Variants in SLC28A3 observed in about 807,000 individuals in gnomAD.
SLC28A3 encodes concentrative Na(+)-nucleoside cotransporter 3.
Under a neutral mutation model 84.2 loss-of-function variants are expected in SLC28A3, and 68 were observed. The observed-to-expected ratio is 0.81, with a 90% confidence interval of 0.66 to 0.99. The LOEUF is 0.99. Ranked by LOEUF, SLC28A3 falls within the 50% of genes least tolerant of loss-of-function variation. The pLI is 0.00. For synonymous variants in SLC28A3, 267 were observed against 303.6 expected, an observed-to-expected ratio of 0.88 and a Z score of 1.25; for missense variants, 712 against 841.5, an observed-to-expected ratio of 0.85 and a Z score of 1.90.
intron 1 of SLC28A3, among the ~76,000 whole-genome samples, chr9:84,335,116 AC>A (rs1417413776): frequency 2.6e-5 from 4 of 152,254 alleles, no homozygotes; most frequent in Middle Eastern, 6.8e-3. Flanking sequence ...CTCCAGGTGA[AC>A]GTATGCTACA....
intron 1 of SLC28A3, among the ~76,000 whole-genome samples, chr9:84,321,734 A>AG (rs1491494231): frequency 3.0e-4 from 20 of 67,182 alleles, no homozygotes; most frequent in African/African-American, 2.2e-3. Flanking sequence ...ACTCCGTCTC[A>AG]AAAAAAAAAA....
chr9:84,286,539 A>G (rs2118111281), intron 12 of SLC28A3, among the ~76,000 whole-genome samples: 1 of 145,348 alleles, frequency 6.9e-6, no homozygotes, highest in East Asian at 2.0e-4. Flanking sequence ...CTCTTATCTT[A>G]GCCTCCAGAG....
chr9:84,295,046 T>C (rs180788742), intron 8 of SLC28A3, among the ~76,000 whole-genome samples: 58 of 152,250 alleles, frequency 3.8e-4, no homozygotes, highest in African/African-American at 1.3e-3. Flanking sequence ...CTGCTGCCAC[T>C]GGACTGCCCT....
At chr9:84,282,644 A>G (rs1349766024) in intron 14 of SLC28A3, among the ~76,000 whole-genome samples, 1 of 152,216 alleles carries the variant, frequency 6.6e-6, no homozygotes, top group Non-Finnish European at 1.5e-5. Context: ...CTTAGGCCAG[A>G]CAATTTTTCC....
intron 6 of SLC28A3, among the ~76,000 whole-genome samples, chr9:84,298,961 G>A (rs982707154): frequency 6.6e-6 from 1 of 152,160 alleles, no homozygotes; most frequent in Admixed American, 6.5e-5. Context: ...CCTCAGCAGG[G>A]CAAAGAACTT....
At chr9:84,367,535 T>C in the SLC28A3 span, among the ~76,000 whole-genome samples, 8 of 152,020 alleles carry the variant, frequency 5.3e-5, no homozygotes, top group Non-Finnish European at 1.0e-4. Context: ...AGACAAAGCA[T>C]AGAGAAAGAA....
chr9:84,332,941 T>C (rs147230246), intron 1 of SLC28A3, among the ~76,000 whole-genome samples: 80 of 152,310 alleles, frequency 5.3e-4, no homozygotes, highest in African/African-American at 1.8e-3. Flanking sequence ...TTACAAATCA[T>C]AACTGACAAA....
At chr9:84,284,062 G>A (rs896615011) in intron 14 of SLC28A3, among the ~76,000 whole-genome samples, 1 of 152,092 alleles carries the variant, frequency 6.6e-6, no homozygotes, top group Non-Finnish European at 1.5e-5. Context: ...CTCTACCCTC[G>A]TAATAACCTT....
At chr9:84,299,888 G>C (rs1451743685) in intron 5 of SLC28A3, among the ~76,000 whole-genome samples, 163 bp from the exon 6 acceptor site, 1 of 152,068 alleles carries the variant, frequency 6.6e-6, no homozygotes, top group African/African-American at 2.4e-5. Flanking sequence ...CACTTCCCGG[G>C]TTCAAGCAAT....
chr9:84,362,265 G>A, the SLC28A3 span, among the ~76,000 whole-genome samples: 11 of 152,204 alleles, frequency 7.2e-5, no homozygotes, highest in Non-Finnish European at 1.3e-4. Flanking sequence ...TGTTAATATT[G>A]AGATGCTACT....
rs1031239865 is a variant in SLC28A3 at position 84,320,859 on chromosome 9, G to T, written c.61-7405C>A. Among the ~76,000 whole-genome samples, 18 of 151,838 alleles carry T rather than the reference G, an allele frequency of 1.2e-4. 1 individual carries two copies. The highest frequency in any genetic ancestry group is 4.4e-4 in the African/African-American group (18 of 41,300). On this transcript the variant is annotated intron_variant, in intron 1 of 17. Coordinates refer to ENST00000376238, the MANE Select transcript of SLC28A3 (RefSeq NM_001199633.2). Reference sequence around the variant, plus strand: ...ACAAAAATTAGCCGAGGGTGGTGGTGGGAGGCTGAGGCAGGAGAATTGCTT... The same window carrying T: ...ACAAAAATTAGCCGAGGGTGGTGGTTGGAGGCTGAGGCAGGAGAATTGCTT...
intron 1 of SLC28A3, among the ~76,000 whole-genome samples, chr9:84,324,064 G>A (rs1826468169): frequency 6.6e-6 from 1 of 152,124 alleles, no homozygotes; most frequent in Non-Finnish European, 1.5e-5. Context: ...TGATTATGTG[G>A]GCCAACAGGA....
At chr9:84,320,163 C>T (rs1409443742) in intron 1 of SLC28A3, among the ~76,000 whole-genome samples, 1 of 147,108 alleles carries the variant, frequency 6.8e-6, no homozygotes, top group Non-Finnish European at 1.5e-5. Context: ...GATTCTCATA[C>T]CTCAGTCTCC....
At chr9:84,328,311 A>G (rs961249663) in intron 1 of SLC28A3, among the ~76,000 whole-genome samples, 2 of 151,310 alleles carry the variant, frequency 1.3e-5, no homozygotes, top group Non-Finnish European at 2.9e-5. Flanking sequence ...AAAACCCATG[A>G]TCTGAAAATA....
rs1006550881 is a variant in SLC28A3 at position 84,335,479 on chromosome 9, T to C, written c.60+5095A>G. On this transcript the variant is annotated intron_variant, in intron 1 of 17. Coordinates refer to ENST00000376238, the MANE Select transcript of SLC28A3 (RefSeq NM_001199633.2). ...CAAAGGATTGCCTGGGCTCAGGAGT[T>C]TGAGGCTGCAATAAGCTATGATTGT... Among the ~76,000 whole-genome samples, 7 of 152,320 alleles carry C rather than the reference T, an allele frequency of 4.6e-5. 1 individual carries two copies. Among genetic ancestry groups the C allele is most frequent in the Middle Eastern group, 6.8e-3 (2 of 294 alleles).
At position 84,278,216 on chromosome 9, in the gene SLC28A3, C is replaced by T; in HGVS notation, c.*2G>A. 1.2e-6 allele frequency: 2 copies of T among 1,613,050 alleles called. No homozygotes were observed. The highest frequency in any genetic ancestry group is 1.7e-6 in the Non-Finnish European group (2 of 1,179,416). On this transcript the variant is annotated 3_prime_UTR_variant, in exon 18 of 18. Coordinates refer to ENST00000376238, the MANE Select transcript of SLC28A3 (RefSeq NM_001199633.2). ...AGAGTTCCACTGGAGAAGTGGCTGA[C>T]CTCAAAATGTATTAGAGATCCCATT... is the stretch of plus-strand genomic sequence containing the variant.
chr9:84,323,666 G>A (rs1287945452), intron 1 of SLC28A3, among the ~76,000 whole-genome samples: 3 of 151,678 alleles, frequency 2.0e-5, no homozygotes, highest in Admixed American at 1.3e-4. Context: ...CTCGTGATCC[G>A]ACCCCCTCAG....
intron 3 of SLC28A3, among the ~76,000 whole-genome samples, chr9:84,308,239 T>C (rs750139652): frequency 2.0e-5 from 3 of 151,160 alleles, no homozygotes; most frequent in Non-Finnish European, 4.4e-5. Context: ...CTGGACAGAA[T>C]AGATTTAAAT....
rs1158546245 is a variant in SLC28A3, at chr9:84,285,220, G to GGTT, written c.1647+122_1647+124dup. 4 of 859,942 alleles carry GGTT rather than the reference G, an allele frequency of 4.7e-6. No individual in the cohort carries two copies. In the African/African-American group the frequency reaches 6.8e-5, roughly 15 times the overall value. 53.3% of individuals were successfully genotyped at this position (859,942 alleles called of 1,614,324 possible). On this transcript the variant is annotated intron_variant, in intron 14 of 17. Coordinates refer to ENST00000376238, the MANE Select transcript of SLC28A3 (RefSeq NM_001199633.2). Reference sequence around the variant, plus strand: ...TAAGCTCCATGAGCAATGGATTTTAGGTTGTTTTGCTCTCTAATCTATCCC... The same window carrying GGTT: ...TAAGCTCCATGAGCAATGGATTTTAGGTTGTTGTTTTGCTCTCTAATCTATCCC...
Sources: allele counts gnomAD v4.1 joint callset (sites outside exome capture counted in the v4.1 genomes callset), GRCh38; gene constraint gnomAD v4.1.1; transcripts MANE v1.5; gene names NCBI Gene and HGNC (gene_info 2026-07-23, HGNC 2026-07-21).